Variants in RERE observed in about 807,000 individuals in gnomAD.
The protein encoded by RERE is arginine-glutamic acid dipeptide repeats protein.
A neutral mutation model predicts 146.1 loss-of-function variants in RERE; 40 were observed. That is an observed-to-expected ratio of 0.27 (90% confidence interval 0.21 to 0.36). The LOEUF is 0.36. Among genes scored for constraint, RERE ranks in the 10% least tolerant of loss-of-function variants. The pLI is 1.00. For missense variants in RERE, 1,933 were observed against 2,138.7 expected (o/e 0.90, Z 1.90); for synonymous variants, 1,003 against 866.0 (o/e 1.16, Z -2.78).
chr1:8,769,042 A>G (rs1211598506), intron 1 of RERE, among the ~76,000 whole-genome samples: 1 of 152,176 alleles, frequency 6.6e-6, no homozygotes, highest in Non-Finnish European at 1.5e-5. Flanking sequence ...TTTGCTGTAA[A>G]AGCATGTATC....
Position 8,358,345 on chromosome 1 carries a change from G to A in RERE, c.4190C>T (p.Ala1397Val). The A allele has an allele frequency of 6.2e-7, 1 of 1,613,012 alleles. No homozygotes were observed. The highest frequency in any genetic ancestry group is 8.5e-7 in the Non-Finnish European group (1 of 1,179,492). Residue 1397 changes from alanine (A) to valine (V), a missense_variant, in exon 20 of 23, where the codon GCA becomes GTA. Physicochemically the swap from Ala to Val is moderately conservative, Grantham distance 64. This residue lies in a region of RERE where 47 missense variants were observed against 58.6 expected (regional missense o/e 0.80). Transcript: ENST00000400908. ...GCGCTCTGCGTGGATACGCTCGGCT[G>A]CCAGTCTGTCAGGGTAGCTCATCTC... is the stretch of plus-strand genomic sequence containing the variant. ...RPEMSYPDRL[A>V]AERIHAERMA...
rs182945717 is a variant in RERE at position 8,700,953 on chromosome 1, A to T, written c.-144-44512T>A. 2.2e-3 allele frequency among the ~76,000 whole-genome samples: 341 copies of T among 152,306 alleles called. 1 individual carries two copies. The highest frequency in any genetic ancestry group is 3.0e-3 in the Non-Finnish European group (207 of 68,028). ...AAATCTCTCACAAGTCAACTATTAA[A>T]TAAGTAAACAAAAGCTTGTCTTGTT... On this transcript the variant is annotated intron_variant, in intron 1 of 22. Transcript: ENST00000400908.
intron 4 of RERE, among the ~76,000 whole-genome samples, chr1:8,609,349 A>G (rs1260213452): frequency 1.3e-5 from 2 of 152,190 alleles, no homozygotes; most frequent in African/African-American, 2.4e-5. Flanking sequence ...CAGCCTTGGC[A>G]TTATAGGTCA....
rs557753269 is a variant in RERE at position 8,813,353 on chromosome 1, C to CT, written c.-145+3806dup. Among the ~76,000 whole-genome samples the CT allele has an allele frequency of 1.7e-4, 26 of 152,296 alleles. No individual in the cohort carries two copies. The East Asian group carries it at 4.2e-3, about 25-fold the overall frequency. On this transcript the variant is annotated intron_variant, in intron 1 of 22. Transcript: ENST00000400908. ...AAAAGTAGCTTAGTAGGAAAGCATA[C>CT]TACTCTCAAAAGAACTTGGTATGTC...
chr1:8,666,660 T>G (rs150870146), intron 1 of RERE, among the ~76,000 whole-genome samples: 147 of 152,362 alleles, frequency 9.6e-4, no homozygotes, highest in African/African-American at 3.4e-3. Flanking sequence ...AGTAACCTGA[T>G]GTAGAGAATA....
At chr1:8,455,991 T>C (rs942889849) in intron 11 of RERE, among the ~76,000 whole-genome samples, 1 of 152,204 alleles carries the variant, frequency 6.6e-6, no homozygotes, top group African/African-American at 2.4e-5. Flanking sequence ...ACATTAAGCT[T>C]GGCCCAGCAT....
At chr1:8,365,064 T>C (rs1014814536) in intron 13 of RERE, among the ~76,000 whole-genome samples, 2 of 152,186 alleles carry the variant, frequency 1.3e-5, no homozygotes, top group African/African-American at 4.8e-5. Context: ...GGCCTGTGTG[T>C]GAGGCGCCAT....
intron 12 of RERE, among the ~76,000 whole-genome samples, chr1:8,372,563 G>A (rs1324477144): frequency 8.7e-6 from 1 of 115,110 alleles, no homozygotes. Flanking sequence ...AGCCAAAGAA[G>A]GACTCAGTCC....
chr1:8,557,499 T>C lies in RERE; in HGVS notation c.547A>G (p.Asn183Asp), dbSNP rs1412043026. The change falls in exon 5 of 23, where the codon AAC becomes GAC. Residue 183 changes from asparagine to aspartate, a missense_variant. Coordinates refer to ENST00000400908, the MANE Select transcript of RERE (RefSeq NM_001042681.2). ...VGSKRDHLLM[N>D]VKWYYRQSEV... ...GATTGACGGTAGTACCATTTGACGTTCATGAGGAGATGGTCCCTCTTACTC... is the reference window on the plus strand; with the variant it reads ...GATTGACGGTAGTACCATTTGACGTCCATGAGGAGATGGTCCCTCTTACTC... 1 of 1,612,702 alleles carries C rather than the reference T, an allele frequency of 6.2e-7. No individual in the cohort carries two copies. The highest frequency in any genetic ancestry group is 8.5e-7 in the Non-Finnish European group (1 of 1,178,816).
intron 10 of RERE, among the ~76,000 whole-genome samples, chr1:8,484,856 T>C (rs1570316637): frequency 6.6e-6 from 1 of 152,330 alleles, no homozygotes; most frequent in East Asian, 1.9e-4. Context: ...GAGACCAACA[T>C]GTTTATTACA....
At chr1:8,447,502 T>G (rs538164476) in intron 11 of RERE, among the ~76,000 whole-genome samples, 2 of 152,352 alleles carry the variant, frequency 1.3e-5, no homozygotes, top group South Asian at 2.1e-4. Context: ...TTTGTGTTGA[T>G]GTTGATGGTA....
At chr1:8,439,973 C>A (rs1176316571) in intron 11 of RERE, among the ~76,000 whole-genome samples, 1 of 152,170 alleles carries the variant, frequency 6.6e-6, no homozygotes, top group East Asian at 1.9e-4. Flanking sequence ...ACTGGGGAGG[C>A]TGAGGCAGGA....
chr1:8,388,625 G>A (rs1642770975), intron 12 of RERE, among the ~76,000 whole-genome samples: 1 of 152,176 alleles, frequency 6.6e-6, no homozygotes. Flanking sequence ...GGCCCAGTCT[G>A]TGCAATCTTA....
chr1:8,604,598 AAGGGAGGG>A (rs796662731), intron 4 of RERE, among the ~76,000 whole-genome samples: 2,520 of 80,488 alleles, frequency 0.031, 210 homozygotes, highest in African/African-American at 0.086. Flanking sequence ...GGAAGGAAGG[AAGGGAGGG>A]AGGGAGGGAG....
chr1:8,605,765 AAAAAAAC>A (rs1268318683), intron 4 of RERE, among the ~76,000 whole-genome samples: 12 of 127,724 alleles, frequency 9.4e-5, no homozygotes, highest in African/African-American at 2.7e-4. Context: ...AAAAAAAAAA[AAAAAAAC>A]CCCTAAAAAA....
chr1:8,695,765 A>T (rs1639316350), intron 1 of RERE, among the ~76,000 whole-genome samples: 1 of 152,074 alleles, frequency 6.6e-6, no homozygotes, highest in African/African-American at 2.4e-5. Context: ...AACTCAAAAA[A>T]ACAAAACTGT....
chr1:8,604,622 G>GAGGAAGGAAGGAAGGAAGGA (rs1178725565), intron 4 of RERE, among the ~76,000 whole-genome samples: 29 of 46,500 alleles, frequency 6.2e-4, no homozygotes, highest in African/African-American at 1.3e-3. Flanking sequence ...GGGAGGGAGG[G>GAGGAAGGAAGGAAGGAAGGA]AGGAAGGAAG....
rs74050290 is a variant in RERE at position 8,793,394 on chromosome 1, T to C, written c.-145+23766A>G. 6.6e-3 allele frequency among the ~76,000 whole-genome samples: 1,007 copies of C among 152,212 alleles called. 11 individuals carry two copies. Among genetic ancestry groups the C allele is most frequent in the African/African-American group, 0.023 (973 of 41,524 alleles). ...TAACATTTCCATCCTTTACAGTACT[T>C]TGATATCCTCAAAAGATGTCTTGGA... On this transcript the variant is annotated intron_variant, in intron 1 of 22. Transcript: ENST00000400908.
At chr1:8,556,870 C>T (rs1646013950) in intron 5 of RERE, among the ~76,000 whole-genome samples, 1 of 152,062 alleles carries the variant, frequency 6.6e-6, no homozygotes, top group South Asian at 2.1e-4. Context: ...CTATCTTATC[C>T]TAGCACCTCC....
Sources: allele counts gnomAD v4.1 joint callset (sites outside exome capture counted in the v4.1 genomes callset), GRCh38; gene constraint gnomAD v4.1.1; regional missense constraint gnomAD v4.1.1; transcripts MANE v1.5; gene names NCBI Gene and HGNC (gene_info 2026-07-23, HGNC 2026-07-21).